PPP2R2B: variants seen among roughly 807,000 people sequenced by gnomAD.
PPP2R2B encodes protein phosphatase 2 regulatory subunit Bbeta.
PPP2R2B carries 5 observed loss-of-function variants against 46.0 expected under a neutral mutation model. The observed-to-expected ratio is 0.11, with a 90% CI of 0.06 to 0.23. PPP2R2B has a LOEUF of 0.23. Among genes scored for constraint, PPP2R2B ranks in the 10% least tolerant of loss-of-function variants. PPP2R2B has a pLI of 1.00. For missense variants in PPP2R2B, 367 were observed against 575.0 expected (o/e 0.64, Z 3.70); for synonymous variants, 215 against 206.7 (o/e 1.04, Z -0.34).
intron 1 of PPP2R2B, among the ~76,000 whole-genome samples, chr5:146,920,183 C>A (rs983585099): frequency 6.6e-6 from 1 of 152,142 alleles, no homozygotes; most frequent in Non-Finnish European, 1.5e-5. Flanking sequence ...GGTGGCTGGG[C>A]AGAAAAGATG....
intron 2 of PPP2R2B, among the ~76,000 whole-genome samples, chr5:146,797,939 C>T (rs1030641273): frequency 4.6e-5 from 7 of 152,128 alleles, no homozygotes; most frequent in African/African-American, 9.7e-5. Flanking sequence ...GCCATGAATA[C>T]GGCAGAAAAC....
At chr5:146,736,595 G>A (rs1202102536) in intron 2 of PPP2R2B, among the ~76,000 whole-genome samples, 2 of 152,182 alleles carry the variant, frequency 1.3e-5, no homozygotes, top group African/African-American at 4.8e-5. Flanking sequence ...GCCATCGTAA[G>A]TCTTGAGGAC....
At chr5:147,040,831 A>T (rs1391288256) in intron 1 of PPP2R2B, 2 of 438,688 alleles carry the variant, frequency 4.6e-6, no homozygotes, top group South Asian at 3.3e-5. Flanking sequence ...AAAACTGTAA[A>T]ATAATAGTGC....
chr5:146,702,668 A>G (rs1249928661), intron 2 of PPP2R2B, among the ~76,000 whole-genome samples: 1 of 152,228 alleles, frequency 6.6e-6, no homozygotes, highest in Non-Finnish European at 1.5e-5. Flanking sequence ...AAGTTTATAC[A>G]TTGGCAAGTA....
At chr5:146,876,359 A>G (rs1761898138) in intron 2 of PPP2R2B, among the ~76,000 whole-genome samples, 1 of 152,200 alleles carries the variant, frequency 6.6e-6, no homozygotes, top group Non-Finnish European at 1.5e-5. Flanking sequence ...GCATTTTCTC[A>G]GCTTGCTAAG....
At chr5:146,941,364 G>A (rs990281756) in intron 1 of PPP2R2B, among the ~76,000 whole-genome samples, 1 of 152,144 alleles carries the variant, frequency 6.6e-6, no homozygotes, top group Admixed American at 6.5e-5. Flanking sequence ...ATATGGTTGA[G>A]GGAAAACATG....
chr5:146,654,918 A>G (rs1169974755), intron 5 of PPP2R2B, among the ~76,000 whole-genome samples: 1 of 152,204 alleles, frequency 6.6e-6, no homozygotes, highest in Admixed American at 6.5e-5. Context: ...AATTCAGATC[A>G]GGCCAGGACG....
In PPP2R2B at chr5:146,681,760, C is replaced by T. The variant is rs1301914008; in HGVS notation, c.447+9368G>A. ...GCCCTAAAAAGGCCAGAACTCTGCC[C>T]TGTCAACCTTCCCACATCTCTGAAA... On this transcript the variant is annotated intron_variant, in intron 5 of 9. Coordinates refer to ENST00000394411, the MANE Select transcript of PPP2R2B (RefSeq NM_181675.4). Among the ~76,000 whole-genome samples, 3 of 152,194 alleles carry T rather than the reference C, an allele frequency of 2.0e-5. No homozygotes were observed. In the South Asian group the frequency reaches 6.2e-4, roughly 32 times the overall value.
At position 146,617,698 on chromosome 5, in the gene PPP2R2B, C is replaced by CTCT. The variant is rs749348866; in HGVS notation, c.791-17239_791-17238insAGA. On this transcript the variant is annotated intron_variant, in intron 7 of 9. Coordinates refer to ENST00000394411, the MANE Select transcript of PPP2R2B (RefSeq NM_181675.4). ...TCCTCTCATCTCTCTCTCTCTCTCT[C>CTCT]TTTTTTTTTTTTTTGAAGCAGAGTC... 5.5e-3 allele frequency among the ~76,000 whole-genome samples: 773 copies of CTCT among 141,696 alleles called. 9 individuals carry two copies. Among genetic ancestry groups the CTCT allele is most frequent in the African/African-American group, 0.019 (712 of 37,804 alleles). 93.0% of individuals were successfully genotyped at this position (141,696 alleles called of 152,430 possible). A position where few individuals can be genotyped will look rare whatever the true frequency, so the allele number is the denominator to read the frequency against.
chr5:146,881,693 T>G (rs138990823), upstream of PPP2R2B, among the ~76,000 whole-genome samples: 3,319 of 152,334 alleles, frequency 0.022, 131 homozygotes, highest in African/African-American at 0.074. Context: ...ATTACTGGCG[T>G]GAGCCACCAT....
At chr5:146,840,439 T>C (rs190442299) in intron 2 of PPP2R2B, among the ~76,000 whole-genome samples, 42 of 152,342 alleles carry the variant, frequency 2.8e-4, no homozygotes, top group African/African-American at 9.9e-4. Flanking sequence ...AGTTGCTTAA[T>C]AAATCTTAGT....
chr5:146,703,171 A>C (rs1779644194), intron 2 of PPP2R2B, among the ~76,000 whole-genome samples: 1 of 152,180 alleles, frequency 6.6e-6, no homozygotes, highest in Non-Finnish European at 1.5e-5. Context: ...TTTTCAATGA[A>C]TGGTTAGCAA....
At chr5:147,030,449 AG>A (rs1156925022) in intron 1 of PPP2R2B, among the ~76,000 whole-genome samples, 1 of 152,074 alleles carries the variant, frequency 6.6e-6, no homozygotes, top group Non-Finnish European at 1.5e-5. Flanking sequence ...GCTTGCTGAG[AG>A]ATTTTTTTTC....
rs372611320 is a variant in PPP2R2B, at chr5:146,884,089, GTT to G, written c.79+171574_79+171575del. 4.0e-3 allele frequency among the ~76,000 whole-genome samples: 420 copies of G among 104,640 alleles called. 1 individual carries two copies. Among genetic ancestry groups the G allele is most frequent in the African/African-American group, 0.014 (373 of 25,918 alleles). The allele number at this position is 104,640 out of a possible 152,430, so 68.6% of individuals were successfully genotyped here. On this transcript the variant is annotated intron_variant, in intron 1 of 8. Transcript: ENST00000336640. ...AAAAAAAACACTATGTAAATTCAGGGTTTTTTTTTTTTTTTTTTTTTTTGAGA... is the reference window on the plus strand; with the variant it reads ...AAAAAAAACACTATGTAAATTCAGGGTTTTTTTTTTTTTTTTTTTTTGAGA...
intron 1 of PPP2R2B, among the ~76,000 whole-genome samples, chr5:147,022,791 G>A (rs1198876152): frequency 6.6e-6 from 1 of 151,850 alleles, no homozygotes; most frequent in Non-Finnish European, 1.5e-5. Context: ...CAAACCATAA[G>A]ATAATGGGAG....
chr5:146,718,134 C>T (rs141336386), intron 2 of PPP2R2B, among the ~76,000 whole-genome samples: 17 of 151,804 alleles, frequency 1.1e-4, no homozygotes, highest in East Asian at 3.9e-4. Context: ...TTTTAACCAA[C>T]GGTATTCCTG....
chr5:147,018,043 G>GCACACACA (rs60161356), intron 1 of PPP2R2B, among the ~76,000 whole-genome samples: 44 of 48,274 alleles, frequency 9.1e-4, no homozygotes, highest in African/African-American at 3.6e-3. Flanking sequence ...GCATGCGCGC[G>GCACACACA]CACACACACA....
rs539213906 is a variant in PPP2R2B, at chr5:147,080,013, T to C, written c.50+1046A>G. 2.6e-5 allele frequency among the ~76,000 whole-genome samples: 4 copies of C among 152,346 alleles called. No individual in the cohort carries two copies. The East Asian group carries it at 7.7e-4, about 29-fold the overall frequency. On this transcript the variant is annotated intron_variant, in intron 2 of 10. Transcript: ENST00000394413. ...TTTATATGGATTTATTTATTAATTT[T>C]AGTGTGTTTTCTCCCACTTTGTAAA...
rs1452386364 is a variant in PPP2R2B, at chr5:146,691,162, C to T, written c.413G>A (p.Arg138Gln). ...EGYNLKDEEG[R>Q]LRDPATITTL... ...TGTGATGGTGGCAGGATCCCGGAGC[C>T]GGCCCTCCTCATCTTTCAGATTGTA... Residue 138 changes from arginine (R) to glutamine (Q), a missense_variant, in exon 5 of 10, where the codon CGG (arginine) becomes CAG (glutamine). Coordinates refer to ENST00000394411, the MANE Select transcript of PPP2R2B (RefSeq NM_181675.4). The T allele has an allele frequency of 2.5e-6, 4 of 1,614,062 alleles. No homozygotes were observed. Among genetic ancestry groups the T allele is most frequent in the East Asian group, 2.2e-5 (1 of 44,898 alleles).
Sources: gnomAD v4.1 joint callset for allele counts (sites outside exome capture counted in the v4.1 genomes callset) on GRCh38, gnomAD v4.1.1 for gene constraint, MANE v1.5 for transcripts, NCBI Gene and HGNC (gene_info 2026-07-23, HGNC 2026-07-21) for gene names.